Variants in APOOL observed in about 807,000 individuals in gnomAD.
APOOL encodes the protein apolipoprotein O like, also known as MICOS complex subunit MIC27.
APOOL carries 12 observed loss-of-function variants against 23.1 expected under a neutral mutation model. That is an observed-to-expected ratio of 0.52 (90% confidence interval 0.33 to 0.84). APOOL has a LOEUF of 0.84. APOOL is among the 40% of genes least tolerant of loss of function. The pLI, the probability that APOOL is intolerant of heterozygous loss-of-function variation, is 0.02. For synonymous variants in APOOL, 77 were observed against 69.9 expected (o/e 1.10, Z -0.51); for missense variants, 212 against 199.6 (o/e 1.06, Z -0.37).
intron 5 of APOOL, among the ~76,000 whole-genome samples, chrX:85,065,386 T>C (rs1923416169): frequency 8.9e-6 from 1 of 111,794 alleles, no homozygotes; most frequent in Non-Finnish European, 1.9e-5. Flanking sequence ...CATTTAAGGT[T>C]AATATTGTTA....
chrX:85,025,452 GTC>G (rs1261954907), intron 1 of APOOL, among the ~76,000 whole-genome samples: 1 of 111,856 alleles, frequency 8.9e-6, no homozygotes, highest in Non-Finnish European at 1.9e-5. Flanking sequence ...GTCCCCAAAA[GTC>G]TTAACTCCTT....
Position 85,092,621 on chromosome X carries a change from C to T in APOOL, c.*4943C>T, listed in dbSNP as rs984536049. 1.8e-5 allele frequency: 19 copies of T among 1,035,788 alleles called. No homozygotes were observed. The African/African-American group carries it at 2.8e-4, about 15-fold the overall frequency. 85.4% of individuals were successfully genotyped at this position (1,035,788 alleles called of 1,213,427 possible). On this transcript the variant is annotated 3_prime_UTR_variant, in exon 9 of 9. Transcript: ENST00000373173. ...TTTGAAAGTATAATCTTCGTTAACA[C>T]ATATATTTTATTGAAGGTCTACTCT... is the stretch of plus-strand genomic sequence containing the variant.
intron 6 of APOOL, among the ~76,000 whole-genome samples, chrX:85,070,675 A>G (rs1923634922): frequency 9.0e-6 from 1 of 111,018 alleles, no homozygotes; most frequent in African/African-American, 3.3e-5. Context: ...CATATCCATC[A>G]CCACCCATGC....
chrX:85,060,806 T>G (rs1923184616), intron 5 of APOOL, among the ~76,000 whole-genome samples: 1 of 111,625 alleles, frequency 9.0e-6, no homozygotes, highest in Non-Finnish European at 1.9e-5. Context: ...TTTCTAGATA[T>G]ACAATCATGT....
intron 8 of APOOL, among the ~76,000 whole-genome samples, chrX:85,085,701 A>C (rs1403886985): frequency 8.9e-6 from 1 of 112,588 alleles, no homozygotes; most frequent in African/African-American, 3.2e-5. Flanking sequence ...AAATAAAAAC[A>C]AATTTCTGAA....
In APOOL at chrX:85,092,589, A is replaced by G; in HGVS notation, c.*4911A>G. ...GTTTAAAAACAAACAAGCAAATATT[A>G]CTTTCATTTGAAAGTATAATCTTCG... On this transcript the variant is annotated 3_prime_UTR_variant, in exon 9 of 9. Coordinates refer to ENST00000373173, the MANE Select transcript of APOOL (RefSeq NM_198450.6). 8.6e-7 allele frequency: 1 copy of G among 1,167,508 alleles called. No individual in the cohort carries two copies. Among genetic ancestry groups the G allele is most frequent in the Non-Finnish European group, 1.2e-6 (1 of 861,381 alleles).
In APOOL at chrX:85,091,240, ACTC is replaced by A. The variant is rs1200703477; in HGVS notation, c.*3563_*3565del. ...ACTTCAGCCTGGGCACAAGAACAAAACTCAGTCTCAAAAAATAAATAATAAAAA... is the reference window on the plus strand; with the variant it reads ...ACTTCAGCCTGGGCACAAGAACAAAAAGTCTCAAAAAATAAATAATAAAAA... On this transcript the variant is annotated 3_prime_UTR_variant, in exon 9 of 9. Transcript: ENST00000373173. 3.6e-5 allele frequency: 4 copies of A among 112,214 alleles called. No homozygotes were observed. Among genetic ancestry groups the A allele is most frequent in the Non-Finnish European group, 7.5e-5 (4 of 53,253 alleles). 9.2% of individuals were successfully genotyped at this position (112,214 alleles called of 1,213,427 possible). A position where few individuals can be genotyped will look rare whatever the true frequency, so the allele number is the denominator to read the frequency against.
chrX:85,007,003 T>C (rs1380177396), intron 1 of APOOL, among the ~76,000 whole-genome samples: 1 of 111,186 alleles, frequency 9.0e-6, no homozygotes, highest in Non-Finnish European at 1.9e-5. Flanking sequence ...TTGGTCGAGA[T>C]AGAAGGTGAA....
intron 5 of APOOL, among the ~76,000 whole-genome samples, chrX:85,057,479 A>G (rs889099174): frequency 9.4e-6 from 1 of 105,988 alleles, no homozygotes; most frequent in African/African-American, 3.4e-5. Context: ...TATATATAAA[A>G]CATATATATA....
At chrX:85,084,225 T>A (rs1159616722) in intron 8 of APOOL, among the ~76,000 whole-genome samples, 1 of 101,298 alleles carries the variant, frequency 9.9e-6, no homozygotes, top group Non-Finnish European at 2.0e-5. Flanking sequence ...AACCTCTGCC[T>A]CCCGGGTTCA....
intron 8 of APOOL, among the ~76,000 whole-genome samples, chrX:85,075,548 C>T (rs186604084): frequency 4.7e-4 from 53 of 111,917 alleles, no homozygotes; most frequent in African/African-American, 1.7e-3. Context: ...CCTCTGTCCT[C>T]TCTCTTTTCT....
chrX:85,062,228 T>G (rs1260304615), intron 5 of APOOL, among the ~76,000 whole-genome samples: 1 of 111,901 alleles, frequency 8.9e-6, no homozygotes, highest in Non-Finnish European at 1.9e-5. Context: ...GTTTTTTTTC[T>G]TATAAATCTG....
intron 8 of APOOL, among the ~76,000 whole-genome samples, chrX:85,077,061 G>GTA (rs753917488): frequency 0.029 from 1,794 of 61,920 alleles, 50 homozygotes; most frequent in African/African-American, 0.092. Context: ...GTATATACAC[G>GTA]TATATATATA....
At chrX:85,038,058 A>G (rs774080430) in intron 1 of APOOL, among the ~76,000 whole-genome samples, 159 of 111,927 alleles carry the variant, frequency 1.4e-3, no homozygotes, top group African/African-American at 5.0e-3. Flanking sequence ...AGTGGGAGAA[A>G]ATATTCGCAA....
intron 1 of APOOL, among the ~76,000 whole-genome samples, chrX:85,010,452 A>G (rs1921239041): frequency 9.0e-6 from 1 of 111,368 alleles, no homozygotes; most frequent in Non-Finnish European, 1.9e-5. Context: ...TGCACCTGTC[A>G]CCTGAGCAGT....
At chrX:85,056,801 A>G (rs1922982709) in intron 5 of APOOL, among the ~76,000 whole-genome samples, 1 of 111,965 alleles carries the variant, frequency 8.9e-6, no homozygotes, top group African/African-American at 3.3e-5. Flanking sequence ...TATCAGTTTT[A>G]ATATATACAT....
At chrX:85,057,613 A>G (rs927007506) in intron 5 of APOOL, among the ~76,000 whole-genome samples, 3 of 106,493 alleles carry the variant, frequency 2.8e-5, no homozygotes, top group African/African-American at 1.0e-4. Flanking sequence ...AATGGATGAT[A>G]TACATATATC....
At chrX:85,055,468 C>G (rs1007880571) in intron 4 of APOOL, among the ~76,000 whole-genome samples, 1 of 111,327 alleles carries the variant, frequency 9.0e-6, no homozygotes, top group African/African-American at 3.3e-5. Flanking sequence ...AGTGTTTGAA[C>G]AGATAAGGGC....
chrX:85,092,542 C>T lies in APOOL; in HGVS notation c.*4864C>T. On this transcript the variant is annotated 3_prime_UTR_variant, in exon 9 of 9. Coordinates refer to ENST00000373173, the MANE Select transcript of APOOL (RefSeq NM_198450.6). ...GACGACAAGAAAGTGCATGCAGTTA[C>T]ATTGAGTTGTGATGGCTATCTGTTT... 2.5e-6 allele frequency: 3 copies of T among 1,207,444 alleles called. No homozygotes were observed. The highest frequency in any genetic ancestry group is 3.4e-6 in the Non-Finnish European group (3 of 893,152).
Sources: gnomAD v4.1 joint callset for allele counts (sites outside exome capture counted in the v4.1 genomes callset) on GRCh38, gnomAD v4.1.1 for gene constraint, MANE v1.5 for transcripts, NCBI Gene and HGNC (gene_info 2026-07-23, HGNC 2026-07-21) for gene names.